TPO: variants seen among roughly 807,000 people sequenced by gnomAD.
TPO encodes thyroid peroxidase, also known as thyroid microsomal antigen.
TPO carries 78 observed loss-of-function variants against 96.9 expected under a neutral mutation model. The observed-to-expected ratio is 0.81, with a 90% CI of 0.67 to 0.97. The LOEUF is 0.97. Ranked by LOEUF, TPO falls within the 50% of genes least tolerant of loss-of-function variation. The pLI is 0.00. For synonymous variants in TPO, 547 were observed against 538.0 expected, an observed-to-expected ratio of 1.02 and a Z score of -0.23; for missense variants, 1,252 against 1,274.8, an observed-to-expected ratio of 0.98 and a Z score of 0.27.
chr2:1,535,154 C>CAACTCTCTGCAAACTCCCCAAAT (rs1328801606), intron 15 of TPO, among the ~76,000 whole-genome samples: 1 of 15,234 alleles, frequency 6.6e-5, no homozygotes, highest in South Asian at 3.0e-3. Context: ...CAAATCCCCC[C>CAACTCTCTGCAAACTCCCCAAAT]CCCCCCCATT....
At chr2:1,397,185 C>A (rs1662095001) in intron 1 of TPO, among the ~76,000 whole-genome samples, 1 of 152,128 alleles carries the variant, frequency 6.6e-6, no homozygotes, top group Admixed American at 6.5e-5. Context: ...CATACAGGAG[C>A]CTCAGCTGAG....
intron 7 of TPO, among the ~76,000 whole-genome samples, chr2:1,468,399 G>T (rs1345447384): frequency 1.3e-5 from 2 of 152,106 alleles, no homozygotes; most frequent in Non-Finnish European, 2.9e-5. Flanking sequence ...GTGCTGCCTT[G>T]GTAGGGGTGA....
chr2:1,512,120 A>G (rs1185547518), intron 14 of TPO, among the ~76,000 whole-genome samples: 16 of 150,430 alleles, frequency 1.1e-4, no homozygotes, highest in South Asian at 8.4e-4. Flanking sequence ...TGCAAGCTCC[A>G]CCTCCCGGGT....
chr2:1,399,349 C>T (rs991175926), intron 1 of TPO, among the ~76,000 whole-genome samples: 5 of 152,244 alleles, frequency 3.3e-5, no homozygotes, highest in Admixed American at 6.5e-5. Flanking sequence ...CAGCAGCCCC[C>T]TTATCCAAAG....
At chr2:1,530,920 CTGTGCGACCTCCCCAAATCCCCCCACTA>C (rs1558423656) in intron 15 of TPO, among the ~76,000 whole-genome samples, 1 of 67,146 alleles carries the variant, frequency 1.5e-5, no homozygotes, top group African/African-American at 6.3e-5. Flanking sequence ...CCCCCCCACT[CTGTGCGACCTCCCCAAATCCCCCCACTA>C]TGTGCGACCT....
rs758956958 is a variant in TPO at position 1,504,087 on chromosome 2, T to G, written c.2518+8T>G. ...ATGGGAGAACCTGCGTAGGTGAGGC[T>G]GTTCCCCTCTCTCTCTGTCCGTCCA... On this transcript the variant is annotated splice_region_variant and intron_variant, in intron 14 of 16. Transcript: ENST00000329066. The G allele has an allele frequency of 6.2e-7, 1 of 1,613,944 alleles. No homozygotes were observed. Among genetic ancestry groups the G allele is most frequent in the African/African-American group, 1.3e-5 (1 of 74,946 alleles).
chr2:1,405,139 C>A (rs1455567743), intron 1 of TPO, among the ~76,000 whole-genome samples: 1 of 147,874 alleles, frequency 6.8e-6, no homozygotes, highest in African/African-American at 2.5e-5. Flanking sequence ...ATCCATTCAT[C>A]ATCCACCCAC....
rs534951998 is a variant in TPO, at chr2:1,427,122, T to C, written c.179+3993T>C. 2.6e-5 allele frequency among the ~76,000 whole-genome samples: 4 copies of C among 152,312 alleles called. No individual in the cohort carries two copies. The East Asian group carries it at 7.7e-4, about 29-fold the overall frequency. On this transcript the variant is annotated intron_variant, in intron 3 of 16. Coordinates refer to ENST00000329066, the MANE Select transcript of TPO (RefSeq NM_001206744.2). ...GCCAGAGTTTTAGTGTTTACGCTCA[T>C]TCCCTGAGACCAGCTCCCATAGAGC...
chr2:1,398,326 T>C (rs910373544), intron 1 of TPO, among the ~76,000 whole-genome samples: 4 of 152,212 alleles, frequency 2.6e-5, no homozygotes, highest in African/African-American at 9.6e-5. Flanking sequence ...CACAAACTAC[T>C]GTTGCCTTTG....
At position 1,443,638 on chromosome 2, in the gene TPO, G is replaced by T. The variant is rs530120727; in HGVS notation, c.482+7254G>T. Reference sequence around the variant, plus strand: ...ACCATGTTGGAAGGGAACGGGGCAGGCTCGTTCTTGTTTGTATGATCCAGT... The same window carrying T: ...ACCATGTTGGAAGGGAACGGGGCAGTCTCGTTCTTGTTTGTATGATCCAGT... On this transcript the variant is annotated intron_variant, in intron 5 of 16. Transcript: ENST00000329066. Among the ~76,000 whole-genome samples the T allele has an allele frequency of 1.9e-4, 27 of 142,940 alleles. 3 individuals are homozygous for T. The highest frequency in any genetic ancestry group is 7.0e-4 in the African/African-American group (26 of 37,396). The allele number at this position is 142,940 out of a possible 152,430, so 93.8% of individuals were successfully genotyped here. A position where few individuals can be genotyped will look rare whatever the true frequency, so the allele number is the denominator to read the frequency against.
intron 5 of TPO, among the ~76,000 whole-genome samples, chr2:1,442,210 G>A (rs1666266505): frequency 6.6e-6 from 1 of 152,140 alleles, no homozygotes; most frequent in African/African-American, 2.4e-5. Context: ...CATGAAAACA[G>A]ACTAATACAG....
intron 10 of TPO, among the ~76,000 whole-genome samples, chr2:1,488,217 C>T (rs1335555610): frequency 3.9e-5 from 6 of 152,144 alleles, no homozygotes; most frequent in African/African-American, 1.2e-4. Context: ...CTCCCAGGAA[C>T]GTATGAGCTG....
chr2:1,386,804 C>T (rs1661902060), intron 1 of TPO, among the ~76,000 whole-genome samples: 2 of 152,284 alleles, frequency 1.3e-5, no homozygotes, highest in Middle Eastern at 3.4e-3. Context: ...TTCTTCCTAG[C>T]ATCGATGGTC....
intron 1 of TPO, among the ~76,000 whole-genome samples, chr2:1,404,226 C>A (rs1662215271): frequency 2.0e-5 from 3 of 152,286 alleles, no homozygotes; most frequent in Admixed American, 2.0e-4. Flanking sequence ...AGATTCCTAT[C>A]ACCTGTGTTG....
In TPO at chr2:1,475,550, A is replaced by G. The variant is rs189521371; in HGVS notation, c.820-1536A>G. Among the ~76,000 whole-genome samples, 1,438 of 151,918 alleles carry G rather than the reference A, an allele frequency of 9.5e-3. 23 individuals are homozygous for G. The highest frequency in any genetic ancestry group is 0.033 in the African/African-American group (1,375 of 41,422). On this transcript the variant is annotated intron_variant, in intron 7 of 16. Transcript: ENST00000329066. ...GCCATTCTCCTGCCTCAGCCTCCCG[A>G]GTAGCTGGGACTACAGGTGCCCGCC... is the stretch of plus-strand genomic sequence containing the variant.
intron 15 of TPO, among the ~76,000 whole-genome samples, chr2:1,524,987 T>A (rs1158292205): frequency 1.9e-5 from 1 of 51,622 alleles, no homozygotes; most frequent in East Asian, 6.0e-4. Context: ...GTGTGCAACC[T>A]CCCCAAATCC....
intron 14 of TPO, among the ~76,000 whole-genome samples, chr2:1,509,327 C>T (rs952503338): frequency 1.3e-4 from 19 of 151,914 alleles, no homozygotes; most frequent in Non-Finnish European, 2.1e-4. Flanking sequence ...CACCCGCCCT[C>T]TTCTTTCAGG....
intron 15 of TPO, among the ~76,000 whole-genome samples, chr2:1,532,191 T>C (rs1289555824): frequency 7.5e-5 from 3 of 39,810 alleles, no homozygotes; most frequent in Admixed American, 3.6e-4. Flanking sequence ...CGCAACCTCC[T>C]CAAATCCCCC....
intron 14 of TPO, among the ~76,000 whole-genome samples, chr2:1,508,552 T>C (rs370339790): frequency 6.6e-6 from 1 of 152,204 alleles, no homozygotes; most frequent in Non-Finnish European, 1.5e-5. Context: ...GATTATTGCC[T>C]CAATTTCAGA....
Sources: gnomAD v4.1 joint callset for allele counts (sites outside exome capture counted in the v4.1 genomes callset) on GRCh38, gnomAD v4.1.1 for gene constraint, MANE v1.5 for transcripts, NCBI Gene and HGNC (gene_info 2026-07-23, HGNC 2026-07-21) for gene names.